HPS3: variants seen among roughly 807,000 people sequenced by gnomAD.
HPS3 encodes BLOC-2 complex member HPS3.
HPS3 carries 79 observed loss-of-function variants against 110.9 expected under a neutral mutation model. The observed-to-expected ratio is 0.71, with a 90% confidence interval of 0.59 to 0.86. The LOEUF (loss-of-function observed/expected upper bound fraction) is 0.86, where lower values mean the gene tolerates loss of function less well. Ranked by LOEUF, HPS3 falls within the 40% of genes least tolerant of loss-of-function variation. The pLI, the probability that HPS3 is intolerant of heterozygous loss-of-function variation, is 0.00. For missense variants in HPS3, 1,197 were observed against 1,206.2 expected (o/e 0.99, Z 0.11); for synonymous variants, 428 against 451.0 (o/e 0.95, Z 0.65).
At chr3:149,158,914 G>T in intron 10 of HPS3, 68 bp downstream of exon 10, 2 of 1,113,838 alleles carry the variant, frequency 1.8e-6, no homozygotes, top group East Asian at 5.1e-5. Context: ...ATTTTATGTA[G>T]TACTGTTTAG....
intron 14 of HPS3, among the ~76,000 whole-genome samples, chr3:149,165,455 G>T (rs904884078): frequency 4.0e-5 from 6 of 151,202 alleles, no homozygotes; most frequent in African/African-American, 1.5e-4. Flanking sequence ...GCTGTTGAAG[G>T]AGAAACATAG....
At chr3:149,141,467 G>A in intron 4 of HPS3, 87 bp downstream of exon 4, 1 of 1,028,962 alleles carries the variant, frequency 9.7e-7, no homozygotes, top group Non-Finnish European at 1.5e-6. Flanking sequence ...GTGGGTAATA[G>A]GTTTGGTGGT....
chr3:149,140,547 C>T (rs939927184), intron 2 of HPS3, 49 bp downstream of exon 2: 3 of 1,604,058 alleles, frequency 1.9e-6, no homozygotes, highest in Non-Finnish European at 2.6e-6. Flanking sequence ...TATAGAAAAC[C>T]TTCACCTTTG....
chr3:149,157,380 A>C lies in HPS3; in HGVS notation c.1540A>C (p.Lys514Gln). ...CTATAGCAATACCTATAAGACTGTC[A>C]AAACCCAGAGCTGCATTCACCTTCT... ...VDYSNTYKTVKTQSCIHLLSE... is the reference protein window; with the variant it reads ...VDYSNTYKTVQTQSCIHLLSE... The change falls in exon 9 of 17, where the codon AAA (lysine) becomes CAA (glutamine). Residue 514 changes from lysine to glutamine, a missense_variant. By Grantham distance (53) the Lys-to-Gln change is moderately conservative. Coordinates refer to ENST00000296051, the MANE Select transcript of HPS3 (RefSeq NM_032383.5). 6.2e-7 allele frequency: 1 copy of C among 1,613,874 alleles called. No individual in the cohort carries two copies. Among genetic ancestry groups the C allele is most frequent in the Non-Finnish European group, 8.5e-7 (1 of 1,179,852 alleles).
Position 149,150,671 on chromosome 3 carries a change from C to G in HPS3, c.1236C>G (p.Thr412=). The G allele has an allele frequency of 6.2e-7, 1 of 1,612,824 alleles. No homozygotes were observed. The highest frequency in any genetic ancestry group is 1.3e-5 in the African/African-American group (1 of 74,988). Residue 412 remains threonine (T), a synonymous_variant, in exon 6 of 17, where the codon ACC becomes ACG. Transcript: ENST00000296051. ...AAREEDPYMD[T]TLKACPPVSM... ...GTGAGGAGGACCCGTACATGGACAC[C>G]ACCCTGAAGGTAAGAACTGGCTTAT...
intron 1 of HPS3, among the ~76,000 whole-genome samples, chr3:149,137,991 T>C (rs1306427178): frequency 2.0e-5 from 3 of 151,534 alleles, no homozygotes; most frequent in African/African-American, 7.3e-5. Context: ...CGTACTACAA[T>C]AAAAAAAATT....
chr3:149,135,938 T>C (rs1287208022), intron 1 of HPS3, among the ~76,000 whole-genome samples: 1 of 152,210 alleles, frequency 6.6e-6, no homozygotes. Flanking sequence ...TTATAAATTA[T>C]TTCTGCCTTG....
At chr3:149,144,219 A>T (rs1722652247) in intron 4 of HPS3, among the ~76,000 whole-genome samples, 1 of 137,530 alleles carries the variant, frequency 7.3e-6, no homozygotes, top group Non-Finnish European at 1.6e-5. Flanking sequence ...TACTAGAAAA[A>T]AAAAAAAAAA....
At chr3:149,151,587 T>TAAAAAAAAAAAAAAAAAA (rs1167453087) in intron 6 of HPS3, among the ~76,000 whole-genome samples, 2 of 40,300 alleles carry the variant, frequency 5.0e-5, no homozygotes, top group Non-Finnish European at 1.0e-4. Context: ...GCTTGGTTTC[T>TAAAAAAAAAAAAAAAAAA]AAAAAAAAAA....
intron 1 of HPS3, among the ~76,000 whole-genome samples, chr3:149,133,369 G>A (rs1003051633): frequency 1.3e-5 from 2 of 151,708 alleles, no homozygotes; most frequent in African/African-American, 2.4e-5. Flanking sequence ...GCGTGAACTC[G>A]GCTCACCACA....
At chr3:149,137,963 A>G (rs1722214099) in intron 1 of HPS3, among the ~76,000 whole-genome samples, 1 of 152,134 alleles carries the variant, frequency 6.6e-6, no homozygotes, top group Non-Finnish European at 1.5e-5. Context: ...GAAAATGTAC[A>G]TTTTATGTTG....
intron 8 of HPS3, among the ~76,000 whole-genome samples, chr3:149,156,243 C>T (rs182656489): frequency 1.1e-4 from 17 of 152,228 alleles, no homozygotes; most frequent in Admixed American, 8.5e-4. Flanking sequence ...AGTACTTCAG[C>T]GTATATTTTC....
In HPS3 at chr3:149,139,999, C is replaced by T. The variant is rs777044002; in HGVS notation, c.218-5C>T. The T allele has an allele frequency of 4.3e-6, 7 of 1,611,474 alleles. No individual in the cohort carries two copies. The highest frequency in any genetic ancestry group is 1.7e-4 in the Middle Eastern group (1 of 6,050). On this transcript the variant is annotated splice_region_variant and splice_polypyrimidine_tract_variant and intron_variant, in intron 1 of 16. Transcript: ENST00000296051. ...ATTCTCAGTATAATCTTCATTCCTT[C>T]TCAGGAGATTATTTGGTAGCAATTG... is the stretch of plus-strand genomic sequence containing the variant.
intron 1 of HPS3, among the ~76,000 whole-genome samples, chr3:149,134,162 C>T (rs1196876323): frequency 6.6e-6 from 1 of 152,154 alleles, no homozygotes; most frequent in African/African-American, 2.4e-5. Context: ...GGGCCACGGA[C>T]CTGTTTGAAA....
Position 149,158,746 on chromosome 3 carries a change from C to A in HPS3, c.1772C>A (p.Thr591Lys). Residue 591 changes from threonine to lysine, a missense_variant, in exon 10 of 17, where the codon ACG becomes AAG. Transcript: ENST00000296051. The stretch of plus-strand genomic sequence containing the variant: ...TCTATGGCTGAAGTTCTGGCCCGCA[C>A]GGACTGGACAGTAGAGGATGGATTA... ...GLSMAEVLARTDWTVEDGLQK... is the reference protein window; with the variant it reads ...GLSMAEVLARKDWTVEDGLQK... 6.2e-7 allele frequency: 1 copy of A among 1,612,676 alleles called. No homozygotes were observed. Among genetic ancestry groups the A allele is most frequent in the African/African-American group, 1.3e-5 (1 of 74,958 alleles).
At chr3:149,152,358 AT>A (rs1463458701) in intron 6 of HPS3, among the ~76,000 whole-genome samples, 2 of 152,204 alleles carry the variant, frequency 1.3e-5, no homozygotes, top group South Asian at 2.1e-4. Flanking sequence ...TGGAAAAAAA[AT>A]AATTCCATGT....
intron 1 of HPS3, among the ~76,000 whole-genome samples, chr3:149,136,444 T>G (rs961176989): frequency 6.6e-6 from 1 of 152,190 alleles, no homozygotes; most frequent in Non-Finnish European, 1.5e-5. Flanking sequence ...GGTTATAGCC[T>G]CCACAGACTC....
intron 16 of HPS3, among the ~76,000 whole-genome samples, chr3:149,169,680 T>C (rs1052581764): frequency 6.6e-6 from 1 of 152,184 alleles, no homozygotes; most frequent in African/African-American, 2.4e-5. Flanking sequence ...GGGACAAAAT[T>C]TTCCTGGTTG....
At chr3:149,167,720 A>AG (rs1724566221) in intron 15 of HPS3, among the ~76,000 whole-genome samples, 173 bp from the exon 16 acceptor site, 1 of 152,208 alleles carries the variant, frequency 6.6e-6, no homozygotes, top group South Asian at 2.1e-4. Flanking sequence ...TTTACGTTAT[A>AG]GTTAAGGCAG....
Sources: allele counts gnomAD v4.1 joint callset (sites outside exome capture counted in the v4.1 genomes callset), GRCh38; gene constraint gnomAD v4.1.1; transcripts MANE v1.5; gene names NCBI Gene and HGNC (gene_info 2026-07-23, HGNC 2026-07-21).